Variants in DEGS2 observed in about 807,000 individuals in gnomAD.
DEGS2 encodes sphingolipid delta(4)-desaturase/C4-monooxygenase DES2.
In DEGS2, 19 loss-of-function variants were observed where a neutral mutation model predicts 23.8. The observed-to-expected ratio is 0.80, with a 90% CI of 0.56 to 1.17. The LOEUF is 1.17. Ranked by LOEUF, DEGS2 falls within the 50% of genes most tolerant of loss-of-function variation. The probability of loss-of-function intolerance (pLI) is 0.00; values close to 1 mark genes in which losing one functional copy is unlikely to be tolerated. For missense variants in DEGS2, 390 were observed against 459.5 expected (o/e 0.85, Z 1.38); for synonymous variants, 218 against 213.7 (o/e 1.02, Z -0.18).
chr14:100,150,916 C>T (rs1313899233), intron 1 of DEGS2, among the ~76,000 whole-genome samples: 4 of 152,232 alleles, frequency 2.6e-5, no homozygotes, highest in Non-Finnish European at 4.4e-5. Flanking sequence ...TCCTATCTCC[C>T]ATGGGTGTGC....
intron 1 of DEGS2, among the ~76,000 whole-genome samples, chr14:100,158,025 T>A (rs1182057460): frequency 1.5e-5 from 2 of 134,392 alleles, no homozygotes; most frequent in African/African-American, 5.7e-5. Flanking sequence ...AGGCGGAGGT[T>A]GCGGTGAGTG....
At chr14:100,150,129 G>C (rs1217320466) in intron 1 of DEGS2, among the ~76,000 whole-genome samples, 1 of 152,220 alleles carries the variant, frequency 6.6e-6, no homozygotes, top group Non-Finnish European at 1.5e-5. Flanking sequence ...GTGGTCCCAG[G>C]CAGGGAAGCA....
chr14:100,152,105 C>T (rs961039902), intron 1 of DEGS2, among the ~76,000 whole-genome samples: 8 of 152,112 alleles, frequency 5.3e-5, no homozygotes, highest in African/African-American at 1.9e-4. Flanking sequence ...AGGTGTCCCT[C>T]GACTTAGCCA....
Position 100,146,057 on chromosome 14 carries a change from AAGGC to A in DEGS2, c.*700_*703del, listed in dbSNP as rs1292648280. 6.6e-6 allele frequency: 1 copy of A among 152,608 alleles called. No homozygotes were observed. Among genetic ancestry groups the A allele is most frequent in the East Asian group, 1.9e-4 (1 of 5,212 alleles). The allele number at this position is 152,608 out of a possible 1,614,324, so 9.5% of individuals were successfully genotyped here. On this transcript the variant is annotated 3_prime_UTR_variant, in exon 3 of 3. Transcript: ENST00000305631. ...GTGAGCAGGCCCAAGGGGTGGGGGCAAGGCAGGTGGTGTGGGCTCAGGGGGATGG... is the reference window on the plus strand; with the variant it reads ...GTGAGCAGGCCCAAGGGGTGGGGGCAAGGTGGTGTGGGCTCAGGGGGATGG...
upstream of DEGS2, among the ~76,000 whole-genome samples, chr14:100,164,438 C>G (rs1006169379): frequency 2.0e-5 from 3 of 152,026 alleles, no homozygotes; most frequent in Non-Finnish European, 4.4e-5. Flanking sequence ...GAGTTCAAAA[C>G]CAGCCTGGCC....
chr14:100,166,254 C>A, the DEGS2 span, among the ~76,000 whole-genome samples: 2 of 97,272 alleles, frequency 2.1e-5, no homozygotes, highest in Non-Finnish European at 4.1e-5. Context: ...GGAGCCTGTC[C>A]GGGGGAGTGG....
chr14:100,154,541 G>C (rs1172932237), intron 1 of DEGS2, among the ~76,000 whole-genome samples: 1 of 152,166 alleles, frequency 6.6e-6, no homozygotes, highest in Non-Finnish European at 1.5e-5. Context: ...GGCCTATGGA[G>C]AAGAAGGGGC....
At chr14:100,158,068 C>G (rs1349912417) in intron 1 of DEGS2, among the ~76,000 whole-genome samples, 2 of 115,126 alleles carry the variant, frequency 1.7e-5, no homozygotes, top group African/African-American at 6.9e-5. Flanking sequence ...GTCTGGGCGA[C>G]AGAGCAAGAC....
intron 2 of DEGS2, among the ~76,000 whole-genome samples, chr14:100,147,261 G>T (rs140473003): frequency 6.6e-6 from 1 of 152,170 alleles, no homozygotes; most frequent in East Asian, 1.9e-4. Context: ...AGCTCAGAGC[G>T]CCTGCCCCAA....
intron 2 of DEGS2, 43 bp from the exon 3 acceptor site, chr14:100,146,950 G>A (rs1270867281): frequency 6.3e-6 from 10 of 1,590,448 alleles, no homozygotes; most frequent in Non-Finnish European, 8.6e-6. Context: ...TTCTCCTCGG[G>A]GCCGCACCCG....
chr14:100,146,949 G>A (rs1232223217), intron 2 of DEGS2, 42 bp from the exon 3 acceptor site: 2 of 1,592,206 alleles, frequency 1.3e-6, no homozygotes, highest in Admixed American at 1.7e-5. Context: ...GTTCTCCTCG[G>A]GGCCGCACCC....
chr14:100,163,938 A>G (rs909785476), upstream of DEGS2, among the ~76,000 whole-genome samples: 1 of 152,024 alleles, frequency 6.6e-6, no homozygotes, highest in African/African-American at 2.4e-5. Context: ...TGGCCCGGCG[A>G]GGTGGCTCAT....
At chr14:100,147,983 G>A (rs1338284810) in intron 2 of DEGS2, among the ~76,000 whole-genome samples, 1 of 152,174 alleles carries the variant, frequency 6.6e-6, no homozygotes, top group Non-Finnish European at 1.5e-5. Flanking sequence ...GGGCTGTGGT[G>A]AAGTTCAAGT....
At chr14:100,158,772 C>G (rs1184834181) in intron 1 of DEGS2, among the ~76,000 whole-genome samples, 1 of 152,146 alleles carries the variant, frequency 6.6e-6, no homozygotes, top group Non-Finnish European at 1.5e-5. Context: ...CCCTTTAACC[C>G]CGTAAGCCCG....
At chr14:100,166,162 TG>T in the DEGS2 span, among the ~76,000 whole-genome samples, 1 of 19,730 alleles carries the variant, frequency 5.1e-5, no homozygotes, top group Non-Finnish European at 1.0e-4. Context: ...GGAGCCTGTC[TG>T]GGGGAGTGGG....
chr14:100,149,829 G>T, intron 1 of DEGS2, 119 bp from the exon 2 acceptor site: 1 of 1,074,720 alleles, frequency 9.3e-7, no homozygotes, highest in Non-Finnish European at 1.3e-6. Flanking sequence ...AACCTCGCTG[G>T]TCCCTTTGCC....
In DEGS2 at chr14:100,149,632, T is replaced by A; in HGVS notation, c.161A>T (p.Gln54Leu). The change falls in exon 2 of 3, where the codon CAG becomes CTG. Residue 54 changes from glutamine to leucine, a missense_variant. Physicochemically the swap from Gln to Leu is moderately radical, Grantham distance 113. Transcript: ENST00000305631. Reference sequence around the variant, plus strand: ...GCGCACCAGCCAGCAGGCCAGCATCTGCACCAGCACCAGCACCAGCACCGC... The same window carrying A: ...GCGCACCAGCCAGCAGGCCAGCATCAGCACCAGCACCAGCACCAGCACCGC... ...KWAVLVLVLV[Q>L]MLACWLVRGL... The A allele has an allele frequency of 6.2e-7, 1 of 1,612,058 alleles. No individual in the cohort carries two copies. Among genetic ancestry groups the A allele is most frequent in the Non-Finnish European group, 8.5e-7 (1 of 1,179,604 alleles).
upstream of DEGS2, among the ~76,000 whole-genome samples, chr14:100,164,625 G>A (rs889573965): frequency 5.3e-5 from 8 of 152,014 alleles, no homozygotes; most frequent in Admixed American, 3.9e-4. Context: ...CAACAAGAGC[G>A]AAACTCCGTC....
intron 1 of DEGS2, among the ~76,000 whole-genome samples, chr14:100,156,397 C>T (rs1375622293): frequency 6.6e-6 from 1 of 152,236 alleles, no homozygotes; most frequent in Non-Finnish European, 1.5e-5. Flanking sequence ...ACAGCCCTTG[C>T]CAGGTCTCTG....
Sources: allele counts gnomAD v4.1 joint callset (sites outside exome capture counted in the v4.1 genomes callset), GRCh38; gene constraint gnomAD v4.1.1; transcripts MANE v1.5; gene names NCBI Gene and HGNC (gene_info 2026-07-23, HGNC 2026-07-21).